Variants in SEC16B observed in about 807,000 individuals in gnomAD.
The protein encoded by SEC16B is SEC16 homolog B, endoplasmic reticulum export factor.
A neutral mutation model predicts 141.8 loss-of-function variants in SEC16B; 115 were observed. The ratio of observed to expected loss-of-function variants is 0.81; its 90% CI spans 0.70 to 0.95. SEC16B has a LOEUF of 0.95. Ranked by LOEUF, SEC16B falls within the 40% of genes least tolerant of loss-of-function variation. SEC16B has a pLI of 0.00. For missense variants in SEC16B, 1,291 were observed against 1,312.3 expected (o/e 0.98, Z 0.25); for synonymous variants, 493 against 492.5 (o/e 1.00, Z -0.01).
chr1:177,960,443 C>A (rs1363259269), intron 7 of SEC16B, 40 bp from the exon 8 acceptor site: 3 of 1,368,784 alleles, frequency 2.2e-6, no homozygotes, highest in African/African-American at 1.4e-5. Flanking sequence ...AAGACTGTGG[C>A]CACCCTAGGC....
At chr1:177,937,118 C>T (rs1161435382) in intron 19 of SEC16B, 96 bp downstream of exon 19, 3 of 1,370,936 alleles carry the variant, frequency 2.2e-6, no homozygotes, top group African/African-American at 1.5e-5. Context: ...CAGCTCCAAC[C>T]CTACCTCCTC....
At chr1:177,935,817 G>A (rs10913464) in intron 20 of SEC16B, among the ~76,000 whole-genome samples, 12,696 of 152,276 alleles carry the variant, frequency 0.083, 790 homozygotes, top group East Asian at 0.29. Flanking sequence ...GGGCAGGGGT[G>A]TGTCCAATCA....
At chr1:177,974,514 A>G (rs185839153), upstream of SEC16B, among the ~76,000 whole-genome samples, 43 of 152,210 alleles carry the variant, frequency 2.8e-4, no homozygotes, top group African/African-American at 9.4e-4. Flanking sequence ...GTGGTCAACA[A>G]TGCCAAACCT....
At chr1:177,955,752 C>T (rs975349320) in intron 10 of SEC16B, among the ~76,000 whole-genome samples, 6 of 152,226 alleles carry the variant, frequency 3.9e-5, no homozygotes, top group South Asian at 2.1e-4. Context: ...TTGGCACAAT[C>T]TCTAAAAGGC....
chr1:177,960,639 T>C (rs1202421436), intron 7 of SEC16B, 152 bp downstream of exon 7: 1 of 837,438 alleles, frequency 1.2e-6, no homozygotes. Flanking sequence ...TCCTGCACCC[T>C]CCTAATCCAG....
intron 1 of SEC16B, among the ~76,000 whole-genome samples, chr1:177,975,831 A>G (rs888191850): frequency 6.6e-6 from 1 of 151,976 alleles, no homozygotes; most frequent in African/African-American, 2.4e-5. Context: ...GGGATATGGA[A>G]CTCTCATGGC....
At chr1:177,943,310 T>C (rs1651421961) in intron 15 of SEC16B, among the ~76,000 whole-genome samples, 2 of 152,218 alleles carry the variant, frequency 1.3e-5, no homozygotes, top group African/African-American at 2.4e-5. Flanking sequence ...ATAGGACAAA[T>C]GCCTAATGCA....
chr1:177,939,005 AC>A (rs763570906), intron 18 of SEC16B, among the ~76,000 whole-genome samples: 81 of 152,306 alleles, frequency 5.3e-4, no homozygotes, highest in Admixed American at 1.0e-3. Context: ...ATCCACAGGC[AC>A]CCAGCCGGGC....
intron 2 of SEC16B, among the ~76,000 whole-genome samples, chr1:177,966,274 C>A (rs1653511429): frequency 6.6e-6 from 1 of 151,412 alleles, no homozygotes; most frequent in South Asian, 2.1e-4. Context: ...ATTTAAAACT[C>A]TTTTATTTTG....
chr1:177,932,744 A>T lies in SEC16B; in HGVS notation c.2886T>A (p.Pro962=). 6.2e-7 allele frequency: 1 copy of T among 1,610,524 alleles called. No individual in the cohort carries two copies. Among genetic ancestry groups the T allele is most frequent in the Non-Finnish European group, 8.5e-7 (1 of 1,178,564 alleles). Residue 962 remains proline, a synonymous_variant, in exon 23 of 26, where the codon CCT becomes CCA. Coordinates refer to ENST00000308284, the MANE Select transcript of SEC16B (RefSeq NM_033127.4). ...AGLGLSLTPS[P]ESPPLPDVSA... ...TAACATCCGGCAGAGGTGGGGACTC[A>T]GGGGAAGGTGTCAGTGAGAGGCCCA... is the stretch of plus-strand genomic sequence containing the variant.
chr1:177,948,414 A>G, intron 12 of SEC16B: 2 of 1,304,420 alleles, frequency 1.5e-6, no homozygotes, highest in Non-Finnish European at 2.0e-6. Flanking sequence ...TTCTGGCTCT[A>G]CAAAGCCCAT....
chr1:177,972,988 C>A (rs2102018376), upstream of SEC16B, among the ~76,000 whole-genome samples: 1 of 152,298 alleles, frequency 6.6e-6, no homozygotes, highest in South Asian at 2.1e-4. Flanking sequence ...CTGCTGGAAT[C>A]TTGATCTTGG....
intron 15 of SEC16B, 78 bp downstream of exon 15, chr1:177,944,483 C>G (rs1043728384): frequency 7.7e-6 from 9 of 1,174,916 alleles, no homozygotes; most frequent in Admixed American, 2.0e-5. Flanking sequence ...GTACTAAGTG[C>G]CAAAAAGCAA....
At chr1:177,979,184 A>C (rs1213549288) in intron 1 of SEC16B, among the ~76,000 whole-genome samples, 1 of 152,240 alleles carries the variant, frequency 6.6e-6, no homozygotes, top group Non-Finnish European at 1.5e-5. Context: ...AATTATTTAA[A>C]ATCTATTTCA....
At chr1:177,972,648 C>T (rs996118333), upstream of SEC16B, among the ~76,000 whole-genome samples, 5 of 152,182 alleles carry the variant, frequency 3.3e-5, no homozygotes, top group African/African-American at 4.8e-5. Flanking sequence ...AATTTCCTTT[C>T]CCAGTCTCCA....
At position 177,932,530 on chromosome 1, in the gene SEC16B, G is replaced by A. The variant is rs1368358808; in HGVS notation, c.2972C>T (p.Ala991Val). 3.2e-6 allele frequency: 5 copies of A among 1,559,504 alleles called. No individual in the cohort carries two copies. The highest frequency in any genetic ancestry group is 1.4e-5 in the African/African-American group (1 of 73,050). ...GCCTCCAACCCCAGCGCCCGCAGCT[G>A]CTCCCCCGCTGGATGCGGATCCTCG... ...EGRGSASSGGAAAGAGVGGLS... is the reference protein window; with the variant it reads ...EGRGSASSGGVAAGAGVGGLS... Residue 991 changes from alanine to valine, a missense_variant, in exon 24 of 26, where the codon GCA becomes GTA. Coordinates refer to ENST00000308284, the MANE Select transcript of SEC16B (RefSeq NM_033127.4).
intron 7 of SEC16B, 166 bp from the exon 8 acceptor site, chr1:177,960,569 T>C (rs1284241422): frequency 2.9e-6 from 2 of 696,354 alleles, no homozygotes; most frequent in Non-Finnish European, 4.9e-6. Context: ...GATGAGACAT[T>C]GACATCTCAG....
Position 177,965,886 on chromosome 1 carries a change from TC to T in SEC16B, c.412+6del. ...ATCCCAGAGGCTTCTTGGAGACTTT[TC>T]CATACCTCTTTCTTCCTGCAGCCAC... On this transcript the variant is annotated splice_donor_region_variant and intron_variant, in intron 3 of 25. Transcript: ENST00000308284. 1 of 1,550,776 alleles carries T rather than the reference TC, an allele frequency of 6.4e-7. No homozygotes were observed. Among genetic ancestry groups the T allele is most frequent in the Non-Finnish European group, 8.8e-7 (1 of 1,137,436 alleles).
intron 12 of SEC16B, chr1:177,948,779 C>T: frequency 1.1e-6 from 1 of 942,056 alleles, no homozygotes; most frequent in Non-Finnish European, 1.4e-6. Flanking sequence ...GTCTCTGAAC[C>T]TTTGTTTTCT....
Sources: gnomAD v4.1 joint callset for allele counts (sites outside exome capture counted in the v4.1 genomes callset) on GRCh38, gnomAD v4.1.1 for gene constraint, MANE v1.5 for transcripts, NCBI Gene and HGNC (gene_info 2026-07-23, HGNC 2026-07-21) for gene names.